Variants in FLNB observed in about 807,000 individuals in gnomAD.
FLNB encodes the protein filamin-B.
In FLNB, 111 loss-of-function variants were observed where a neutral mutation model predicts 250.6. The ratio of observed to expected loss-of-function variants is 0.44; its 90% confidence interval spans 0.38 to 0.52. The LOEUF is 0.52. Ranked by LOEUF, FLNB falls within the 20% of genes least tolerant of loss-of-function variation. The probability of loss-of-function intolerance (pLI) is 0.00; values close to 1 mark genes in which losing one functional copy is unlikely to be tolerated. For synonymous variants in FLNB, 1,302 were observed against 1,372.1 expected (o/e 0.95, Z 1.13); for missense variants, 2,869 against 3,447.8 (o/e 0.83, Z 4.20).
intron 1 of FLNB, among the ~76,000 whole-genome samples, chr3:58,020,840 C>T (rs762541464): frequency 6.6e-6 from 1 of 151,810 alleles, no homozygotes; most frequent in African/African-American, 2.4e-5. Context: ...GTAAATTTGC[C>T]GCAAGCCCAT....
intron 1 of FLNB, among the ~76,000 whole-genome samples, chr3:58,024,730 A>ATTC (rs2097120683): frequency 4.1e-5 from 1 of 24,672 alleles, no homozygotes; most frequent in Admixed American, 4.5e-4. Context: ...TTTTTTTTTA[A>ATTC]CCTTGAGACA....
chr3:58,153,307 A>G, intron 38 of FLNB, 68 bp from the exon 39 acceptor site: 2 of 1,585,158 alleles, frequency 1.3e-6, no homozygotes, highest in South Asian at 1.1e-5. Flanking sequence ...CTTGCCCTGC[A>G]TGTCCTGCCC....
At position 58,112,157 on chromosome 3, in the gene FLNB, A is replaced by G. The variant is rs767831448; in HGVS notation, c.2584A>G (p.Asn862Asp). ...GPGLSKAGVE[N>D]GKPTHFTVYT... is the part of the protein sequence containing the mutation. ...ACAGTATATCTTTCCAGGTGTGGAA[A>G]ATGGGAAACCGACCCACTTCACTGT... is the stretch of plus-strand genomic sequence containing the variant. The change falls in exon 18 of 46, where the codon AAT (asparagine) becomes GAT (aspartate). Residue 862 changes from asparagine to aspartate, a missense_variant. Transcript: ENST00000295956. The G allele has an allele frequency of 3.1e-6, 5 of 1,614,140 alleles. No homozygotes were observed. The highest frequency in any genetic ancestry group is 4.2e-6 in the Non-Finnish European group (5 of 1,179,990).
chr3:58,134,596 G>C lies in FLNB; in HGVS notation c.4515-20G>C. 6.2e-7 allele frequency: 1 copy of C among 1,609,522 alleles called. No homozygotes were observed. The highest frequency in any genetic ancestry group is 8.5e-7 in the Non-Finnish European group (1 of 1,175,852). On this transcript the variant is annotated intron_variant, in intron 26 of 45. Coordinates refer to ENST00000295956, the MANE Select transcript of FLNB (RefSeq NM_001457.4). ...CATGTATCTTTATTGACTAGGGTGT[G>C]TGTGTGTGTGTCTATCAAGTCCCTT... is the stretch of plus-strand genomic sequence containing the variant.
chr3:58,069,746 C>A lies in FLNB; in HGVS notation c.293-7300C>A, dbSNP rs760301642. Among the ~76,000 whole-genome samples, 47 of 152,304 alleles carry A rather than the reference C, an allele frequency of 3.1e-4. 1 individual carries two copies. In the Middle Eastern group the frequency reaches 0.031, roughly 99 times the overall value. ...TCGCTGCAGCGTTAGGGGTCAGCCT[C>A]CCTTTGGAGCAGGAGAGCAGGGGCC... is the stretch of plus-strand genomic sequence containing the variant. On this transcript the variant is annotated intron_variant, in intron 1 of 45. Transcript: ENST00000295956.
intron 1 of FLNB, among the ~76,000 whole-genome samples, chr3:58,051,080 C>T (rs932091273): frequency 6.6e-6 from 1 of 152,124 alleles, no homozygotes; most frequent in African/African-American, 2.4e-5. Context: ...CTTGGGACCC[C>T]CTGAGTCTCT....
intron 1 of FLNB, among the ~76,000 whole-genome samples, chr3:58,028,356 A>T (rs2097126256): frequency 6.6e-6 from 1 of 151,302 alleles, no homozygotes; most frequent in Non-Finnish European, 1.5e-5. Flanking sequence ...TCATGTGTAC[A>T]TGGGGTCTAC....
rs1234240122 is a variant in FLNB at position 58,142,249 on chromosome 3, A to G, written c.5181+320A>G. Among the ~76,000 whole-genome samples the G allele has an allele frequency of 6.6e-6, 1 of 152,150 alleles. No homozygotes were observed. The highest frequency in any genetic ancestry group is 2.1e-4 in the South Asian group (1 of 4,826). Reference sequence around the variant, plus strand: ...TCTCAAAGCCGCCACTTGCACATTCAGTTTCTGTTCAGGGGGAAAGCCACC... The same window carrying G: ...TCTCAAAGCCGCCACTTGCACATTCGGTTTCTGTTCAGGGGGAAAGCCACC... On this transcript the variant is annotated intron_variant, in intron 30 of 45. Transcript: ENST00000295956. The surrounding 1 kb of genome is among the most constrained non-coding windows in gnomAD (Gnocchi z 4.3).
rs563929927 is a variant in FLNB, at chr3:58,122,224, G to A, written c.3126+721G>A. 7.3e-5 allele frequency among the ~76,000 whole-genome samples: 11 copies of A among 151,062 alleles called. No individual in the cohort carries two copies. The South Asian group carries it at 8.4e-4, about 12-fold the overall frequency. ...AACATTATTCTTGGCTGGGCGCAGC[G>A]GCTCACGCCTGTAATCACTGCACTT... On this transcript the variant is annotated intron_variant, in intron 20 of 45. Coordinates refer to ENST00000295956, the MANE Select transcript of FLNB (RefSeq NM_001457.4).
intron 24 of FLNB, among the ~76,000 whole-genome samples, 194 bp downstream of exon 24, chr3:58,126,956 G>A (rs1047453421): frequency 5.3e-5 from 8 of 152,074 alleles, no homozygotes; most frequent in African/African-American, 1.4e-4. Flanking sequence ...AAAAAGCATC[G>A]GCTTAGAATT....
intron 45 of FLNB, among the ~76,000 whole-genome samples, chr3:58,170,283 A>T (rs1236981763): frequency 6.6e-6 from 1 of 152,138 alleles, no homozygotes; most frequent in East Asian, 1.9e-4. Context: ...TAAACCTCAC[A>T]ACTAGTTCGT....
intron 6 of FLNB, 131 bp from the exon 7 acceptor site, chr3:58,097,684 T>G (rs2097241417): frequency 1.1e-6 from 1 of 933,982 alleles, no homozygotes; most frequent in East Asian, 2.7e-5. Flanking sequence ...CCAGGGCTCC[T>G]TATTCTAGAC....
chr3:58,084,673 G>A (rs146711710), intron 4 of FLNB, among the ~76,000 whole-genome samples: 120 of 151,992 alleles, frequency 7.9e-4, no homozygotes, highest in African/African-American at 2.5e-3. Context: ...GTGTATTCAC[G>A]TTGTTGTGCA....
chr3:58,104,067 G>C lies in FLNB; in HGVS notation c.1592G>C (p.Gly531Ala). Reference protein sequence around the residue: ...GRYSIAITWGGHHIPKSPFEV... With the variant: ...GRYSIAITWGAHHIPKSPFEV... The stretch of plus-strand genomic sequence containing the variant: ...TACAGCATTGCCATCACATGGGGGG[G>C]ACACCACATTCCAAAGAGGTGAGGC... The change falls in exon 10 of 46, where the codon GGA (glycine) becomes GCA (alanine). Residue 531 changes from glycine to alanine, a missense_variant. Coordinates refer to ENST00000295956, the MANE Select transcript of FLNB (RefSeq NM_001457.4). The C allele has an allele frequency of 1.9e-6, 3 of 1,613,898 alleles. No individual in the cohort carries two copies. Among genetic ancestry groups the C allele is most frequent in the South Asian group, 1.1e-5 (1 of 91,056 alleles).
chr3:58,108,589 A>C lies in FLNB; in HGVS notation c.2055+18A>C. On this transcript the variant is annotated intron_variant, in intron 13 of 45. Transcript: ENST00000295956. ...TTGCTCAGGTAAATTTCAGGGGGCC[A>C]CCTGTGCAGGTAATTGTCAGGTAAC... The C allele has an allele frequency of 6.7e-7, 1 of 1,502,590 alleles. No homozygotes were observed. The highest frequency in any genetic ancestry group is 9.3e-7 in the Non-Finnish European group (1 of 1,078,150). 93.1% of individuals were successfully genotyped at this position (1,502,590 alleles called of 1,614,324 possible). A position where few individuals can be genotyped will look rare whatever the true frequency, so the allele number is the denominator to read the frequency against.
chr3:58,094,745 A>T, intron 4 of FLNB, 91 bp from the exon 5 acceptor site: 1 of 1,079,818 alleles, frequency 9.3e-7, no homozygotes, highest in Non-Finnish European at 1.4e-6. Flanking sequence ...GCTGGGTCCC[A>T]TCTCTCAGTT....
At chr3:58,079,989 G>A (rs540439504) in intron 3 of FLNB, among the ~76,000 whole-genome samples, 34 of 152,238 alleles carry the variant, frequency 2.2e-4, no homozygotes, top group African/African-American at 7.0e-4. Context: ...TTCTTGGCTC[G>A]TCCACCCTCA....
chr3:58,052,190 G>A (rs2097163476), intron 1 of FLNB, among the ~76,000 whole-genome samples: 1 of 152,124 alleles, frequency 6.6e-6, no homozygotes, highest in Non-Finnish European at 1.5e-5. Flanking sequence ...GCCCAGCCTC[G>A]ACTCGCTTTA....
At chr3:58,081,101 T>C (rs76039977) in intron 3 of FLNB, among the ~76,000 whole-genome samples, 1 of 152,168 alleles carries the variant, frequency 6.6e-6, no homozygotes, top group South Asian at 2.1e-4. Context: ...GGCTTCCCTA[T>C]TTTTTTAATG....
Sources: allele counts gnomAD v4.1 joint callset (sites outside exome capture counted in the v4.1 genomes callset), GRCh38; gene constraint gnomAD v4.1.1; non-coding constraint Gnocchi (gnomAD v3.1); transcripts MANE v1.5; gene names NCBI Gene and HGNC (gene_info 2026-07-23, HGNC 2026-07-21).